Variants in CHD9 observed in about 807,000 individuals in gnomAD.
CHD9 encodes chromodomain helicase DNA binding protein 9.
In CHD9, 77 loss-of-function variants were observed where a neutral mutation model predicts 316.1. The observed-to-expected ratio is 0.24, with a 90% confidence interval of 0.20 to 0.29. The LOEUF is 0.29. Among genes scored for constraint, CHD9 ranks in the 10% least tolerant of loss-of-function variants. The pLI, the probability that CHD9 is intolerant of heterozygous loss-of-function variation, is 1.00. For synonymous variants in CHD9, 1,129 were observed against 1,158.3 expected (o/e 0.97, Z 0.51); for missense variants, 2,763 against 3,438.1 (o/e 0.80, Z 4.91).
chr16:53,147,408 G>A (rs2040721794), intron 1 of CHD9, among the ~76,000 whole-genome samples: 1 of 152,204 alleles, frequency 6.6e-6, no homozygotes, highest in Non-Finnish European at 1.5e-5. Flanking sequence ...ATACAGCGCA[G>A]TGGCATCAAC....
chr16:53,211,431 C>A (rs1437591246), intron 3 of CHD9, among the ~76,000 whole-genome samples: 1 of 151,998 alleles, frequency 6.6e-6, no homozygotes, highest in Non-Finnish European at 1.5e-5. Context: ...GTAAATTATT[C>A]ATAGTAAATT....
chr16:53,142,568 A>G (rs2040203385), intron 1 of CHD9, among the ~76,000 whole-genome samples: 1 of 152,168 alleles, frequency 6.6e-6, no homozygotes. Flanking sequence ...CAGCCTCCCA[A>G]AGAGCTGGGA....
chr16:53,139,904 C>T (rs2039976521), intron 1 of CHD9, among the ~76,000 whole-genome samples: 1 of 151,604 alleles, frequency 6.6e-6, no homozygotes, highest in African/African-American at 2.4e-5. Flanking sequence ...TCCACACCAG[C>T]CTGGACAACA....
chr16:53,267,155 G>A lies in CHD9; in HGVS notation c.4321-139G>A, dbSNP rs2051777433. ...GAATATAAGCAATTCTAAGTTGACT[G>A]AATAGGTTGGTGAAATTGTTAGTTG... On this transcript the variant is annotated intron_variant, in intron 20 of 38. Coordinates refer to ENST00000447540, the MANE Select transcript of CHD9 (RefSeq NM_001308319.2). 5.8e-6 allele frequency: 3 copies of A among 518,480 alleles called. No individual in the cohort carries two copies. In the East Asian group the frequency reaches 9.4e-5, roughly 16 times the overall value. The allele number at this position is 518,480 out of a possible 1,614,324, so 32.1% of individuals were successfully genotyped here.
intron 3 of CHD9, among the ~76,000 whole-genome samples, chr16:53,219,388 C>G (rs1164042832): frequency 6.6e-6 from 1 of 152,180 alleles, no homozygotes; most frequent in Non-Finnish European, 1.5e-5. Flanking sequence ...TAAATTAAAT[C>G]TCTCAGGGAG....
intron 24 of CHD9, among the ~76,000 whole-genome samples, chr16:53,285,051 G>C (rs1417899808): frequency 3.3e-5 from 5 of 152,166 alleles, no homozygotes; most frequent in Admixed American, 1.3e-4. Flanking sequence ...ACATACATGA[G>C]CCACTGTGTT....
At chr16:53,211,191 A>C (rs970541819) in intron 3 of CHD9, among the ~76,000 whole-genome samples, 3 of 152,146 alleles carry the variant, frequency 2.0e-5, no homozygotes, top group Non-Finnish European at 4.4e-5. Context: ...AAACTTTTAA[A>C]AGTTACACTA....
intron 2 of CHD9, among the ~76,000 whole-genome samples, chr16:53,163,344 G>A (rs934936910): frequency 2.2e-4 from 33 of 152,102 alleles, no homozygotes; most frequent in African/African-American, 8.0e-4. Context: ...CCAAATAGCT[G>A]GGATTACAGG....
chr16:53,094,641 C>CTT lies in CHD9; in HGVS notation c.-165+39579_-165+39580dup, dbSNP rs902726569. On this transcript the variant is annotated intron_variant, in intron 1 of 38. Coordinates refer to ENST00000447540, the MANE Select transcript of CHD9 (RefSeq NM_001308319.2). ...AAGAGCAGGCTTTTGTTTACTTTTT[C>CTT]TTTTTTTTTTTTTTTTGAGATGGAG... Among the ~76,000 whole-genome samples, 185 of 136,772 alleles carry CTT rather than the reference C, an allele frequency of 1.4e-3. 1 individual carries two copies. Among genetic ancestry groups the CTT allele is most frequent in the Middle Eastern group, 3.9e-3 (1 of 256 alleles). 89.7% of individuals were successfully genotyped at this position (136,772 alleles called of 152,430 possible).
At chr16:53,158,244 G>A (rs1289727645) in intron 2 of CHD9, among the ~76,000 whole-genome samples, 1 of 152,090 alleles carries the variant, frequency 6.6e-6, no homozygotes, top group Admixed American at 6.5e-5. Context: ...CATAGCAGAA[G>A]TATATACCCA....
chr16:53,212,602 CT>C (rs2046421835), intron 3 of CHD9, among the ~76,000 whole-genome samples: 1 of 152,108 alleles, frequency 6.6e-6, no homozygotes, highest in South Asian at 2.1e-4. Context: ...TACAGATTAA[CT>C]TTTTTTCCAA....
chr16:53,265,988 A>G (rs1396962375), intron 20 of CHD9, among the ~76,000 whole-genome samples: 3 of 150,596 alleles, frequency 2.0e-5, no homozygotes, highest in African/African-American at 7.3e-5. Context: ...TTTTTTTTTT[A>G]AGGAAACTGG....
chr16:53,120,880 C>T (rs1272344095), intron 1 of CHD9, among the ~76,000 whole-genome samples: 1 of 152,084 alleles, frequency 6.6e-6, no homozygotes, highest in African/African-American at 2.4e-5. Flanking sequence ...GTGGTGCACG[C>T]CTGTAATCCC....
At position 53,276,619 on chromosome 16, in the gene CHD9, C is replaced by T. The variant is rs185219099; in HGVS notation, c.4967+2317C>T. 2.0e-5 allele frequency among the ~76,000 whole-genome samples: 3 copies of T among 152,292 alleles called. No individual in the cohort carries two copies. In the East Asian group the frequency reaches 5.8e-4, roughly 29 times the overall value. ...CCCTCCTCCTAAGGCAAACCTTGTG[C>T]AGCATGGAACTCGTTTCTTCTTACC... On this transcript the variant is annotated intron_variant, in intron 24 of 38. Coordinates refer to ENST00000447540, the MANE Select transcript of CHD9 (RefSeq NM_001308319.2).
At chr16:53,288,208 T>C (rs2287077) in intron 27 of CHD9, among the ~76,000 whole-genome samples, 194 bp downstream of exon 27, 47,233 of 152,118 alleles carry the variant, frequency 0.31, 7,500 homozygotes, top group Middle Eastern at 0.39. Flanking sequence ...ATCTCCCCTT[T>C]TAGACAAGAT....
intron 2 of CHD9, among the ~76,000 whole-genome samples, chr16:53,198,533 A>C (rs1254148455): frequency 1.3e-5 from 2 of 151,638 alleles, no homozygotes; most frequent in Non-Finnish European, 2.9e-5. Context: ...TCACTGTATT[A>C]GCCAGGATGG....
At chr16:53,305,697 C>A (rs1237461752) in intron 31 of CHD9, among the ~76,000 whole-genome samples, 1 of 152,148 alleles carries the variant, frequency 6.6e-6, no homozygotes. Context: ...TCTGCAGGAA[C>A]CCTTGCAGCA....
chr16:53,264,453 G>C (rs1300200356), intron 20 of CHD9, among the ~76,000 whole-genome samples: 1 of 151,940 alleles, frequency 6.6e-6, no homozygotes, highest in Non-Finnish European at 1.5e-5. Flanking sequence ...AATAAGAATG[G>C]ACATTCTTAT....
chr16:53,172,851 A>G (rs1323931230), intron 2 of CHD9, among the ~76,000 whole-genome samples: 1 of 152,126 alleles, frequency 6.6e-6, no homozygotes, highest in Non-Finnish European at 1.5e-5. Context: ...ATTTTTGCCC[A>G]CTTACAAAAT....
Sources: allele counts gnomAD v4.1 joint callset (sites outside exome capture counted in the v4.1 genomes callset), GRCh38; gene constraint gnomAD v4.1.1; transcripts MANE v1.5; gene names NCBI Gene and HGNC (gene_info 2026-07-23, HGNC 2026-07-21).